KIF6: variants seen among roughly 807,000 people sequenced by gnomAD.
KIF6 encodes kinesin-like protein KIF6.
In KIF6, 106 loss-of-function variants were observed where a neutral mutation model predicts 112.7. The ratio of observed to expected loss-of-function variants is 0.94; its 90% CI spans 0.80 to 1.11. KIF6 has a LOEUF of 1.11. Ranked by LOEUF, KIF6 falls within the 50% of genes least tolerant of loss-of-function variation. The pLI, the probability that KIF6 is intolerant of heterozygous loss-of-function variation, is 0.00. For missense variants in KIF6, 929 were observed against 964.0 expected (o/e 0.96, Z 0.48); for synonymous variants, 339 against 339.9 (o/e 1.00, Z 0.03).
rs528634960 is a variant in KIF6 at position 39,719,774 on chromosome 6, T to A, written c.176+928A>T. On this transcript the variant is annotated intron_variant, in intron 2 of 22. Coordinates refer to ENST00000287152, the MANE Select transcript of KIF6 (RefSeq NM_145027.6). ...AGAGAAATATAATGGCATCCCTAAA[T>A]GTGAGGGCATATGTAATTTAAAATT... Among the ~76,000 whole-genome samples, 294 of 152,216 alleles carry A rather than the reference T, an allele frequency of 1.9e-3. 1 individual carries two copies. Among genetic ancestry groups the A allele is most frequent in the African/African-American group, 6.3e-3 (263 of 41,528 alleles).
At chr6:39,409,258 A>G (rs1183383908) in intron 15 of KIF6, among the ~76,000 whole-genome samples, 2 of 152,090 alleles carry the variant, frequency 1.3e-5, no homozygotes, top group Admixed American at 1.3e-4. Flanking sequence ...TCTCTGTCCA[A>G]GCATTGACAC....
chr6:39,507,188 G>A (rs1010150208), intron 13 of KIF6, among the ~76,000 whole-genome samples: 1 of 152,100 alleles, frequency 6.6e-6, no homozygotes, highest in African/African-American at 2.4e-5. Flanking sequence ...AGTGTTGTGG[G>A]ACTGAGCCCT....
intron 3 of KIF6, among the ~76,000 whole-genome samples, chr6:39,652,680 T>G (rs572946132): frequency 6.6e-6 from 1 of 152,204 alleles, no homozygotes; most frequent in Non-Finnish European, 1.5e-5. Flanking sequence ...TTTAGACATA[T>G]TCTTCCTCTT....
intron 15 of KIF6, among the ~76,000 whole-genome samples, chr6:39,390,825 A>AT (rs1456839615): frequency 6.6e-6 from 1 of 152,198 alleles, no homozygotes; most frequent in Non-Finnish European, 1.5e-5. Context: ...TTCAGCTGTC[A>AT]TGTGAGAAGC....
chr6:39,646,224 C>A (rs1785166972), intron 3 of KIF6, among the ~76,000 whole-genome samples: 1 of 149,660 alleles, frequency 6.7e-6, no homozygotes, highest in Admixed American at 6.7e-5. Flanking sequence ...TGAAAGTAAT[C>A]AACAACAAAT....
chr6:39,626,814 A>G (rs1411501880), intron 5 of KIF6, among the ~76,000 whole-genome samples: 1 of 152,112 alleles, frequency 6.6e-6, no homozygotes, highest in Non-Finnish European at 1.5e-5. Context: ...AGGAATTAGC[A>G]TTTTTAACAA....
intron 15 of KIF6, among the ~76,000 whole-genome samples, chr6:39,403,001 A>C (rs765144769): frequency 1.3e-5 from 2 of 152,138 alleles, no homozygotes; most frequent in Non-Finnish European, 2.9e-5. Context: ...TGTATCATCA[A>C]CCCATACCCA....
At chr6:39,666,428 A>G (rs1786464909) in intron 3 of KIF6, among the ~76,000 whole-genome samples, 1 of 152,254 alleles carries the variant, frequency 6.6e-6, no homozygotes, top group African/African-American at 2.4e-5. Flanking sequence ...TGAATTGTAT[A>G]CAGTTGATTT....
At chr6:39,537,758 A>T (rs928662784) in intron 13 of KIF6, among the ~76,000 whole-genome samples, 7 of 152,234 alleles carry the variant, frequency 4.6e-5, no homozygotes, top group African/African-American at 1.7e-4. Flanking sequence ...CGCATCACCA[A>T]GTCAGTCCTA....
At chr6:39,354,648 T>C (rs1293238384) in intron 19 of KIF6, among the ~76,000 whole-genome samples, 3 of 152,164 alleles carry the variant, frequency 2.0e-5, no homozygotes, top group African/African-American at 7.2e-5. Flanking sequence ...CTCAAAGTCA[T>C]GGTGGTCACT....
chr6:39,439,988 T>C (rs1205508738), intron 13 of KIF6, among the ~76,000 whole-genome samples: 1 of 152,222 alleles, frequency 6.6e-6, no homozygotes, highest in Non-Finnish European at 1.5e-5. Context: ...GAGAGTTGTG[T>C]TATTCATGCT....
chr6:39,578,301 T>A, intron 9 of KIF6, 142 bp from the exon 10 acceptor site: 1 of 588,650 alleles, frequency 1.7e-6, no homozygotes, highest in Non-Finnish European at 3.0e-6. Context: ...CTTTGTTAAA[T>A]CTTAACGTTT....
intron 13 of KIF6, among the ~76,000 whole-genome samples, chr6:39,507,367 T>C (rs1418076185): frequency 6.6e-6 from 1 of 152,140 alleles, no homozygotes; most frequent in Admixed American, 6.5e-5. Flanking sequence ...GTTTTTTTCT[T>C]TTAGGATAGA....
intron 13 of KIF6, among the ~76,000 whole-genome samples, chr6:39,512,646 T>C (rs1394937598): frequency 1.3e-5 from 2 of 152,194 alleles, no homozygotes; most frequent in Non-Finnish European, 2.9e-5. Flanking sequence ...CCCCAGTTTC[T>C]TTGCTAATTG....
rs116400155 is a variant in KIF6 at position 39,598,229 on chromosome 6, G to A, written c.640-1969C>T. Among the ~76,000 whole-genome samples, 969 of 151,930 alleles carry A rather than the reference G, an allele frequency of 6.4e-3. 8 individuals carry two copies. Among genetic ancestry groups the A allele is most frequent in the Non-Finnish European group, 0.011 (732 of 67,916 alleles). On this transcript the variant is annotated intron_variant, in intron 6 of 22. Transcript: ENST00000287152. ...TACATAAATAAAATAAAGAACTCTT[G>A]CAAATCAGTGAGAAAAAGTAAGCAA...
At position 39,431,027 on chromosome 6, in the gene KIF6, C is replaced by T. The variant is rs550931260; in HGVS notation, c.1754+26G>A. 94 of 1,465,386 alleles carry T rather than the reference C, an allele frequency of 6.4e-5. No individual in the cohort carries two copies. In the South Asian group the frequency reaches 1.1e-3, roughly 17 times the overall value. The allele number at this position is 1,465,386 out of a possible 1,614,324, so 90.8% of individuals were successfully genotyped here. ...GCTGGCCTGGCTGAGCCTCGGAGGA[C>T]CAGCTGCTCTCTGAGACAGCCTTAC... On this transcript the variant is annotated intron_variant, in intron 14 of 22. Transcript: ENST00000287152.
At chr6:39,339,917 A>T (rs1763229239) in intron 22 of KIF6, among the ~76,000 whole-genome samples, 1 of 152,164 alleles carries the variant, frequency 6.6e-6, no homozygotes, top group Non-Finnish European at 1.5e-5. Flanking sequence ...AATTCCCCTT[A>T]ATGAGCACTC....
Position 39,362,431 on chromosome 6 carries a change from C to G in KIF6, c.1946+3G>C, listed in dbSNP as rs9349115. On this transcript the variant is annotated splice_donor_region_variant and intron_variant, in intron 17 of 22. Coordinates refer to ENST00000287152, the MANE Select transcript of KIF6 (RefSeq NM_145027.6). The stretch of plus-strand genomic sequence containing the variant: ...GACTGTGTGTGGCTAAAAGGAAGGG[C>G]ACCTTCTCTTTTCTTCCTCCAGTTG... 1,656 of 1,611,122 alleles carry G rather than the reference C, an allele frequency of 1.0e-3. 22 individuals are homozygous for G. In the East Asian group the frequency reaches 0.034, roughly 33 times the overall value.
intron 13 of KIF6, among the ~76,000 whole-genome samples, chr6:39,509,711 C>T (rs1242696497): frequency 2.0e-5 from 3 of 152,100 alleles, no homozygotes; most frequent in African/African-American, 7.2e-5. Context: ...AATGAAGCCT[C>T]CAAGAAATAT....
Sources: allele counts gnomAD v4.1 joint callset (sites outside exome capture counted in the v4.1 genomes callset), GRCh38; gene constraint gnomAD v4.1.1; transcripts MANE v1.5; gene names NCBI Gene and HGNC (gene_info 2026-07-23, HGNC 2026-07-21).